The following ZBTB20 variants were observed in gnomAD, a reference collection of about 807,000 sequenced individuals.
The protein encoded by ZBTB20 is zinc finger and BTB domain containing 20, also known as zinc finger and BTB domain-containing protein 20.
Under a neutral mutation model 56.9 loss-of-function variants are expected in ZBTB20, and 9 were observed. That is an observed-to-expected ratio of 0.16 (90% CI 0.10 to 0.28). ZBTB20 has a LOEUF of 0.28. Ranked by LOEUF, ZBTB20 falls within the 10% of genes least tolerant of loss-of-function variation. The pLI is 1.00. For synonymous variants in ZBTB20, 417 were observed against 420.7 expected, an observed-to-expected ratio of 0.99 and a Z score of 0.11; for missense variants, 655 against 1,003.0, an observed-to-expected ratio of 0.65 and a Z score of 4.69.
At chr3:114,446,461 C>G (rs374344525) in intron 7 of ZBTB20, among the ~76,000 whole-genome samples, 1 of 151,996 alleles carries the variant, frequency 6.6e-6, no homozygotes, top group South Asian at 2.1e-4. Flanking sequence ...TGCTTAAATT[C>G]GAAAGGATAG....
intron 7 of ZBTB20, among the ~76,000 whole-genome samples, chr3:114,471,543 A>C (rs2040128461): frequency 6.6e-6 from 1 of 152,246 alleles, no homozygotes; most frequent in Non-Finnish European, 1.5e-5. Context: ...GGTTGAAGTC[A>C]GCAAATGTCT....
chr3:114,552,313 G>C (rs1316594602), intron 6 of ZBTB20, among the ~76,000 whole-genome samples: 1 of 152,096 alleles, frequency 6.6e-6, no homozygotes, highest in Non-Finnish European at 1.5e-5. Context: ...TCTAGCTGAA[G>C]TTCTCTGGAA....
chr3:114,844,454 G>C (rs933541797), intron 4 of ZBTB20, among the ~76,000 whole-genome samples: 8 of 112,030 alleles, frequency 7.1e-5, no homozygotes, highest in Non-Finnish European at 9.9e-5. Flanking sequence ...CCAGGAGTTT[G>C]AGGTTACAGT....
chr3:114,528,687 T>C (rs930965551), intron 6 of ZBTB20: 1 of 152,164 alleles, frequency 6.6e-6, no homozygotes, highest in Non-Finnish European at 1.5e-5. Flanking sequence ...GCTTTGACAG[T>C]GACTCACTGT....
intron 2 of ZBTB20, among the ~76,000 whole-genome samples, chr3:115,019,649 C>T (rs2080125481): frequency 6.6e-6 from 1 of 151,036 alleles, no homozygotes; most frequent in Non-Finnish European, 1.5e-5. Context: ...AATTAATGGA[C>T]TGAGGGTGGA....
chr3:114,404,481 G>A (rs1275401088), intron 7 of ZBTB20, among the ~76,000 whole-genome samples: 2 of 152,090 alleles, frequency 1.3e-5, no homozygotes, highest in East Asian at 1.9e-4. Flanking sequence ...TCCTAACGCC[G>A]AGGGGAAGAA....
intron 10 of ZBTB20, among the ~76,000 whole-genome samples, chr3:114,356,718 A>G (rs1288984229): frequency 1.3e-5 from 2 of 152,092 alleles, no homozygotes; most frequent in Non-Finnish European, 2.9e-5. Context: ...TTGGTGACTG[A>G]GCCCCCTTAT....
chr3:115,025,550 TATA>T (rs946056074), intron 2 of ZBTB20, among the ~76,000 whole-genome samples: 2 of 150,982 alleles, frequency 1.3e-5, no homozygotes, highest in Admixed American at 1.3e-4. Flanking sequence ...AGTAATAAAA[TATA>T]ATAAGAAATA....
intron 6 of ZBTB20, among the ~76,000 whole-genome samples, chr3:114,550,331 C>T (rs1038338442): frequency 2.6e-5 from 4 of 152,106 alleles, no homozygotes; most frequent in Admixed American, 6.5e-5. Flanking sequence ...TTTGGGTCAG[C>T]GGTCAGTCAT....
chr3:114,796,613 A>G lies in ZBTB20; in HGVS notation c.-343+4488T>C, dbSNP rs2071358164. Among the ~76,000 whole-genome samples, 3 of 151,902 alleles carry G rather than the reference A, an allele frequency of 2.0e-5. No individual in the cohort carries two copies. The South Asian group carries it at 6.2e-4, about 32-fold the overall frequency. ...AAAATCCTGACTGGAACAGGTATCA[A>G]AGAAAGAGAATAAATGAGACTTGGC... On this transcript the variant is annotated intron_variant, in intron 5 of 11. Transcript: ENST00000675478.
chr3:114,798,232 T>G (rs1346804596), intron 5 of ZBTB20, among the ~76,000 whole-genome samples: 1 of 151,826 alleles, frequency 6.6e-6, no homozygotes, highest in Non-Finnish European at 1.5e-5. Context: ...AATGGTCTTA[T>G]GTCCACTTTG....
intron 5 of ZBTB20, among the ~76,000 whole-genome samples, chr3:114,741,792 A>G (rs1187084082): frequency 6.6e-6 from 1 of 151,858 alleles, no homozygotes; most frequent in Non-Finnish European, 1.5e-5. Context: ...TGAGGCAGAG[A>G]ACTGCTTGAA....
intron 5 of ZBTB20, among the ~76,000 whole-genome samples, chr3:114,748,352 T>TCTTTTCTCTCTCTCTCTCTCTCTC (rs374192570): frequency 8.2e-5 from 4 of 48,576 alleles, no homozygotes; most frequent in Non-Finnish European, 1.4e-4. Flanking sequence ...TTTCTTTCTT[T>TCTTTTCTCTCTCTCTCTCTCTCTC]TCTCTCTCTC....
At chr3:114,683,226 T>C (rs1260589479) in intron 6 of ZBTB20, among the ~76,000 whole-genome samples, 1 of 152,186 alleles carries the variant, frequency 6.6e-6, no homozygotes, top group African/African-American at 2.4e-5. Flanking sequence ...AAGGTGATCA[T>C]CTTGGTCACC....
intron 1 of ZBTB20, among the ~76,000 whole-genome samples, chr3:115,093,172 C>T (rs2083260977): frequency 6.6e-6 from 1 of 152,096 alleles, no homozygotes; most frequent in Non-Finnish European, 1.5e-5. Flanking sequence ...TGATTAATAC[C>T]TCCTGATTCC....
chr3:114,723,901 C>A (rs936014000), intron 5 of ZBTB20, among the ~76,000 whole-genome samples: 1 of 151,700 alleles, frequency 6.6e-6, no homozygotes, highest in African/African-American at 2.4e-5. Flanking sequence ...CGGAGTCTCA[C>A]TCTTTTGCCC....
rs1049447464 is a variant in ZBTB20, at chr3:114,981,838, T to C, written c.-506-7422A>G. Among the ~76,000 whole-genome samples, 22 of 152,042 alleles carry C rather than the reference T, an allele frequency of 1.4e-4. No homozygotes were observed. In the East Asian group the frequency reaches 4.0e-3, roughly 28 times the overall value. ...ATGTTCCATTTCCAGCTTTAATCTTTCATGAGTTCTTCAATCTTTCATGAG... is the reference window on the plus strand; with the variant it reads ...ATGTTCCATTTCCAGCTTTAATCTTCCATGAGTTCTTCAATCTTTCATGAG... On this transcript the variant is annotated intron_variant, in intron 2 of 11. Coordinates refer to ENST00000675478, the MANE Select transcript of ZBTB20 (RefSeq NM_001348800.3).
At chr3:114,680,258 C>A (rs1288452735) in intron 6 of ZBTB20, among the ~76,000 whole-genome samples, 1 of 152,040 alleles carries the variant, frequency 6.6e-6, no homozygotes, top group Admixed American at 6.6e-5. Flanking sequence ...ATATTCTGCA[C>A]ATGTACCCCA....
At chr3:115,129,137 A>G (rs1215007545) in intron 1 of ZBTB20, among the ~76,000 whole-genome samples, 1 of 152,194 alleles carries the variant, frequency 6.6e-6, no homozygotes, top group Non-Finnish European at 1.5e-5. Context: ...TTCTTATAAC[A>G]TCATGTCTAC....
Sources: gnomAD v4.1 joint callset for allele counts (sites outside exome capture counted in the v4.1 genomes callset) on GRCh38, gnomAD v4.1.1 for gene constraint, MANE v1.5 for transcripts, NCBI Gene and HGNC (gene_info 2026-07-23, HGNC 2026-07-21) for gene names.